Variants in KHDRBS2 observed in about 807,000 individuals in gnomAD.
The protein encoded by KHDRBS2 is KH domain-containing, RNA-binding, signal transduction-associated protein 2.
KHDRBS2 carries 26 observed loss-of-function variants against 44.3 expected under a neutral mutation model. That is an observed-to-expected ratio of 0.59 (90% CI 0.43 to 0.81). The LOEUF is 0.81. KHDRBS2 is among the 40% of genes least tolerant of loss of function. The pLI, the probability that KHDRBS2 is intolerant of heterozygous loss-of-function variation, is 0.00. For synonymous variants in KHDRBS2, 194 were observed against 151.1 expected, an observed-to-expected ratio of 1.28 and a Z score of -2.08; for missense variants, 476 against 433.1, an observed-to-expected ratio of 1.10 and a Z score of -0.88.
At position 62,285,999 on chromosome 6, in the gene KHDRBS2, G is replaced by C. The variant is rs745979560; in HGVS notation, c.-51C>G. The C allele has an allele frequency of 9.3e-6, 11 of 1,179,922 alleles. No individual in the cohort carries two copies. The highest frequency in any genetic ancestry group is 1.9e-4 in the Middle Eastern group (1 of 5,250). The allele number at this position is 1,179,922 out of a possible 1,614,324, so 73.1% of individuals were successfully genotyped here. ...GCGAAGCGCGAGGTTCCGCTCGCTC[G>C]GACGCAGGCAGGGTCTTGGGGCAGC... On this transcript the variant is annotated 5_prime_UTR_variant, in exon 1 of 9. Transcript: ENST00000281156.
At chr6:61,740,212 T>C (rs552737765) in intron 6 of KHDRBS2, among the ~76,000 whole-genome samples, 14 of 152,032 alleles carry the variant, frequency 9.2e-5, no homozygotes, top group African/African-American at 2.6e-4. Flanking sequence ...GATAAATAAA[T>C]GTTTTTCAGA....
chr6:61,550,955 G>A, the KHDRBS2 span, among the ~76,000 whole-genome samples: 2 of 151,588 alleles, frequency 1.3e-5, no homozygotes, highest in Non-Finnish European at 2.9e-5. Flanking sequence ...GTATTTTTTG[G>A]TGGAGATGGG....
chr6:62,186,971 CAA>C (rs768539632), intron 1 of KHDRBS2, among the ~76,000 whole-genome samples: 1 of 151,152 alleles, frequency 6.6e-6, no homozygotes, highest in Non-Finnish European at 1.5e-5. Context: ...TTCAACACAA[CAA>C]AAAAAAATTC....
At chr6:61,578,502 G>A in the KHDRBS2 span, among the ~76,000 whole-genome samples, 1 of 152,108 alleles carries the variant, frequency 6.6e-6, no homozygotes, top group Non-Finnish European at 1.5e-5. Context: ...CAGCAGTAAA[G>A]CTTTCAGTCG....
intron 2 of KHDRBS2, among the ~76,000 whole-genome samples, chr6:62,048,981 T>G (rs1316640901): frequency 6.6e-6 from 1 of 151,506 alleles, no homozygotes; most frequent in African/African-American, 2.4e-5. Flanking sequence ...CCTTCTCTTC[T>G]CTTCTCTTCT....
intron 4 of KHDRBS2, among the ~76,000 whole-genome samples, chr6:61,970,631 T>C (rs1156344045): frequency 3.9e-5 from 6 of 152,150 alleles, no homozygotes; most frequent in Non-Finnish European, 5.9e-5. Flanking sequence ...ATTTGAGGAT[T>C]TGCAACAGTT....
chr6:62,046,586 A>G (rs2127305477), intron 3 of KHDRBS2, among the ~76,000 whole-genome samples: 1 of 152,032 alleles, frequency 6.6e-6, no homozygotes, highest in South Asian at 2.1e-4. Flanking sequence ...CATAACAAAA[A>G]CAATATTAAA....
At chr6:61,754,440 C>G (rs1778184828) in intron 6 of KHDRBS2, among the ~76,000 whole-genome samples, 1 of 152,022 alleles carries the variant, frequency 6.6e-6, no homozygotes, top group Non-Finnish European at 1.5e-5. Flanking sequence ...TCTGTTGTCT[C>G]TAAACTGAGG....
At chr6:61,833,600 T>C (rs1792174235) in intron 6 of KHDRBS2, among the ~76,000 whole-genome samples, 2 of 152,074 alleles carry the variant, frequency 1.3e-5, no homozygotes. Flanking sequence ...ACAAATTACA[T>C]GAAACCCCAG....
At chr6:61,843,153 A>G (rs1258302125) in intron 6 of KHDRBS2, among the ~76,000 whole-genome samples, 1 of 151,898 alleles carries the variant, frequency 6.6e-6, no homozygotes, top group Non-Finnish European at 1.5e-5. Context: ...CAGAAAGTAG[A>G]TGGCTAGGGA....
chr6:62,203,824 C>A (rs1827470864), intron 1 of KHDRBS2, among the ~76,000 whole-genome samples: 1 of 152,100 alleles, frequency 6.6e-6, no homozygotes, highest in African/African-American at 2.4e-5. Flanking sequence ...TGTTTGTCCT[C>A]CCGAACATTA....
At chr6:61,760,029 A>C (rs1228449480) in intron 6 of KHDRBS2, among the ~76,000 whole-genome samples, 1 of 151,520 alleles carries the variant, frequency 6.6e-6, no homozygotes, top group African/African-American at 2.4e-5. Context: ...ATAATATTGA[A>C]AAAAAATAAC....
At chr6:62,167,934 A>T (rs1819051222) in intron 2 of KHDRBS2, among the ~76,000 whole-genome samples, 1 of 152,156 alleles carries the variant, frequency 6.6e-6, no homozygotes, top group African/African-American at 2.4e-5. Flanking sequence ...CACACTCATC[A>T]AGTACTTGGA....
At chr6:62,254,353 C>T (rs1260944066) in intron 1 of KHDRBS2, among the ~76,000 whole-genome samples, 1 of 151,978 alleles carries the variant, frequency 6.6e-6, no homozygotes, top group Non-Finnish European at 1.5e-5. Flanking sequence ...GTACAGTGAA[C>T]CACAAGGAGA....
At chr6:62,242,618 C>G (rs1049775105) in intron 1 of KHDRBS2, among the ~76,000 whole-genome samples, 20 of 151,416 alleles carry the variant, frequency 1.3e-4, no homozygotes, top group African/African-American at 3.9e-4. Context: ...ATACAGCAAA[C>G]AAGAAAATCT....
At chr6:61,843,263 T>G (rs6455029) in intron 6 of KHDRBS2, among the ~76,000 whole-genome samples, 1 of 151,556 alleles carries the variant, frequency 6.6e-6, no homozygotes, top group Non-Finnish European at 1.5e-5. Flanking sequence ...TGGTGATGGT[T>G]GCACAACTTT....
At chr6:62,229,631 G>T (rs543024356) in intron 1 of KHDRBS2, among the ~76,000 whole-genome samples, 1 of 152,164 alleles carries the variant, frequency 6.6e-6, no homozygotes, top group East Asian at 1.9e-4. Flanking sequence ...CCCCGGTGGC[G>T]TGGGCTCACA....
intron 2 of KHDRBS2, among the ~76,000 whole-genome samples, chr6:62,075,552 A>G (rs1347733217): frequency 6.6e-6 from 1 of 151,950 alleles, no homozygotes; most frequent in Admixed American, 6.6e-5. Context: ...ACAGATTACA[A>G]TTTGCCTTTG....
chr6:61,821,260 TA>T (rs1335151330), intron 6 of KHDRBS2, among the ~76,000 whole-genome samples: 1 of 151,998 alleles, frequency 6.6e-6, no homozygotes, highest in African/African-American at 2.4e-5. Context: ...TTAAACAATA[TA>T]AAAACCTGGG....
Sources: gnomAD v4.1 joint callset for allele counts (sites outside exome capture counted in the v4.1 genomes callset) on GRCh38, gnomAD v4.1.1 for gene constraint, MANE v1.5 for transcripts, NCBI Gene and HGNC (gene_info 2026-07-23, HGNC 2026-07-21) for gene names.